The following WWOX variants were observed in gnomAD, a reference collection of about 807,000 sequenced individuals.
WWOX encodes WW domain-containing oxidoreductase.
A neutral mutation model predicts 46.2 loss-of-function variants in WWOX; 69 were observed. That is an observed-to-expected ratio of 1.49 (90% CI 1.23 to 1.82). WWOX has a LOEUF of 1.82. Among genes scored for constraint, WWOX ranks in the 40% most tolerant of loss-of-function variants. WWOX has a pLI of 0.00. For missense variants in WWOX, 919 were observed against 542.6 expected (o/e 1.69, Z -6.89); for synonymous variants, 359 against 202.6 (o/e 1.77, Z -6.56).
chr16:78,626,825 C>T (rs971857539), intron 8 of WWOX, among the ~76,000 whole-genome samples: 2 of 152,140 alleles, frequency 1.3e-5, no homozygotes, highest in African/African-American at 4.8e-5. Context: ...TCACGGTACA[C>T]TCATGGACAT....
chr16:79,092,691 A>C (rs952221694), intron 8 of WWOX, among the ~76,000 whole-genome samples: 1 of 152,186 alleles, frequency 6.6e-6, no homozygotes, highest in Non-Finnish European at 1.5e-5. Flanking sequence ...AGATGTATGT[A>C]CCTTTCATGG....
chr16:79,066,703 C>T (rs2048448359), intron 8 of WWOX, among the ~76,000 whole-genome samples: 1 of 152,232 alleles, frequency 6.6e-6, no homozygotes, highest in Admixed American at 6.5e-5. Flanking sequence ...AGGCTCTGTG[C>T]CATGAGAGCC....
At chr16:78,823,441 C>T (rs1301982380) in intron 8 of WWOX, among the ~76,000 whole-genome samples, 2 of 152,178 alleles carry the variant, frequency 1.3e-5, no homozygotes, top group Admixed American at 1.3e-4. Context: ...GGGAAGTCAT[C>T]ATCGCTTATC....
At chr16:78,626,462 C>G (rs1478709453) in intron 8 of WWOX, among the ~76,000 whole-genome samples, 1 of 152,096 alleles carries the variant, frequency 6.6e-6, no homozygotes, top group South Asian at 2.1e-4. Flanking sequence ...TGATGTTTTT[C>G]TCATGAGTTT....
chr16:79,047,539 G>T (rs1406570887), intron 8 of WWOX, among the ~76,000 whole-genome samples: 1 of 152,110 alleles, frequency 6.6e-6, no homozygotes, highest in African/African-American at 2.4e-5. Flanking sequence ...CCCTCTAGGG[G>T]CCACCATGTG....
intron 8 of WWOX, among the ~76,000 whole-genome samples, chr16:79,136,615 A>G (rs916673212): frequency 6.6e-6 from 1 of 152,168 alleles, no homozygotes; most frequent in South Asian, 2.1e-4. Context: ...GAGGAAAGCT[A>G]CCTGCCCTTC....
chr16:79,024,836 C>T (rs185768738), intron 8 of WWOX, among the ~76,000 whole-genome samples: 6 of 152,306 alleles, frequency 3.9e-5, no homozygotes, highest in Non-Finnish European at 7.3e-5. Context: ...TCAGAAAGTG[C>T]TGGGATTACA....
At chr16:79,210,988 A>C (rs568480884) in intron 8 of WWOX, among the ~76,000 whole-genome samples, 1 of 151,386 alleles carries the variant, frequency 6.6e-6, no homozygotes, top group South Asian at 2.1e-4. Context: ...GATCTGGATG[A>C]ATTAATGTGT....
At chr16:79,185,038 A>G (rs2050985872) in intron 8 of WWOX, among the ~76,000 whole-genome samples, 1 of 152,220 alleles carries the variant, frequency 6.6e-6, no homozygotes, top group Admixed American at 6.5e-5. Flanking sequence ...AATTTGATTA[A>G]CGCTCACCTT....
intron 5 of WWOX, among the ~76,000 whole-genome samples, chr16:78,226,691 A>C (rs932385787): frequency 2.0e-5 from 3 of 151,936 alleles, no homozygotes; most frequent in African/African-American, 7.3e-5. Context: ...ACCTGGCCTC[A>C]TTTATTGTCA....
intron 5 of WWOX, among the ~76,000 whole-genome samples, chr16:78,245,508 T>TCA (rs2037790092): frequency 2.6e-5 from 4 of 152,218 alleles, no homozygotes; most frequent in Non-Finnish European, 5.9e-5. Flanking sequence ...TGAGCTTGGC[T>TCA]TCAGAGCCAG....
At chr16:79,014,592 T>C (rs1204096626) in intron 8 of WWOX, among the ~76,000 whole-genome samples, 2 of 152,196 alleles carry the variant, frequency 1.3e-5, no homozygotes, top group African/African-American at 4.8e-5. Flanking sequence ...ACCCAACTCC[T>C]AGCCACTGCT....
At chr16:78,724,324 TAA>T (rs896092770) in intron 8 of WWOX, among the ~76,000 whole-genome samples, 2 of 152,188 alleles carry the variant, frequency 1.3e-5, no homozygotes, top group African/African-American at 4.8e-5. Flanking sequence ...TTAACTTGCA[TAA>T]AAAAGAGACA....
chr16:79,159,468 T>C (rs1272111465), intron 8 of WWOX, among the ~76,000 whole-genome samples: 1 of 152,198 alleles, frequency 6.6e-6, no homozygotes. Context: ...GCTCTTTATA[T>C]CACACCTTCT....
rs566179662 is a variant in WWOX at position 78,453,760 on chromosome 16, C to G, written c.1056+21008C>G. Among the ~76,000 whole-genome samples, 46 of 152,056 alleles carry G rather than the reference C, an allele frequency of 3.0e-4. 1 individual carries two copies. The highest frequency in any genetic ancestry group is 5.9e-5 in the Non-Finnish European group (4 of 68,018). On this transcript the variant is annotated intron_variant, in intron 8 of 8. Transcript: ENST00000566780. The stretch of plus-strand genomic sequence containing the variant: ...TGAATTCCATTAAGTCAATTAAATA[C>G]TTAGATCCAGTTTTTAAACAGTGCG...
chr16:78,650,725 T>C (rs1181541490), intron 8 of WWOX, among the ~76,000 whole-genome samples: 1 of 152,158 alleles, frequency 6.6e-6, no homozygotes, highest in Non-Finnish European at 1.5e-5. Flanking sequence ...TCACAGTAAA[T>C]TTTATGCGTG....
At chr16:78,848,402 C>T (rs140920348) in intron 8 of WWOX, among the ~76,000 whole-genome samples, 67 of 152,236 alleles carry the variant, frequency 4.4e-4, no homozygotes, top group Middle Eastern at 3.4e-3. Flanking sequence ...TGGACTAGAC[C>T]AGCACCTCGA....
At chr16:79,201,898 G>A (rs1436088879) in intron 8 of WWOX, among the ~76,000 whole-genome samples, 1 of 152,040 alleles carries the variant, frequency 6.6e-6, no homozygotes, top group Non-Finnish European at 1.5e-5. Flanking sequence ...GACACTTGCA[G>A]GAAAAAGAAG....
intron 8 of WWOX, among the ~76,000 whole-genome samples, chr16:78,801,268 G>C (rs1037782715): frequency 2.0e-5 from 3 of 152,244 alleles, no homozygotes; most frequent in Admixed American, 6.5e-5. Flanking sequence ...CCAGCTCTTT[G>C]GGAGGCCAAC....
Sources: allele counts gnomAD v4.1 joint callset (sites outside exome capture counted in the v4.1 genomes callset), GRCh38; gene constraint gnomAD v4.1.1; transcripts MANE v1.5; gene names NCBI Gene and HGNC (gene_info 2026-07-23, HGNC 2026-07-21).